UAP1: variants seen among roughly 807,000 people sequenced by gnomAD.
UAP1 encodes UDP-N-acetylhexosamine pyrophosphorylase.
Under a neutral mutation model 58.5 loss-of-function variants are expected in UAP1, and 25 were observed. The ratio of observed to expected loss-of-function variants is 0.43; its 90% confidence interval spans 0.31 to 0.60. The LOEUF is 0.60. Among genes scored for constraint, UAP1 ranks in the 20% least tolerant of loss-of-function variants. UAP1 has a pLI of 0.11. For missense variants in UAP1, 575 were observed against 630.0 expected (o/e 0.91, Z 0.93); for synonymous variants, 208 against 213.0 (o/e 0.98, Z 0.21).
At chr1:162,588,758 G>T (rs745329572) in exon 7 of UAP1, 1 of 1,612,534 alleles carries the variant, frequency 6.2e-7, no homozygotes, top group Admixed American at 1.7e-5. Flanking sequence ...GATACCCAAG[G>T]ACAGTTAATT....
intron 2 of UAP1, among the ~76,000 whole-genome samples, chr1:162,566,996 G>A (rs1306314863): frequency 6.6e-6 from 1 of 152,086 alleles, no homozygotes; most frequent in Non-Finnish European, 1.5e-5. Flanking sequence ...CATTTTAGCT[G>A]AACCAAATAA....
At chr1:162,577,114 A>G (rs936242653) in intron 3 of UAP1, 133 bp downstream of exon 3, 2 of 891,778 alleles carry the variant, frequency 2.2e-6, no homozygotes, top group South Asian at 1.8e-5. Context: ...ATAATTTACT[A>G]TATATGTTAA....
chr1:162,586,519 G>T (rs1654912754), intron 5 of UAP1, among the ~76,000 whole-genome samples: 1 of 152,012 alleles, frequency 6.6e-6, no homozygotes, highest in Admixed American at 6.6e-5. Context: ...TAGAAGCCAG[G>T]GTTTCACCTT....
chr1:162,598,239 T>TTTTTAAAAAGTTTTATTCTAC (rs376276062), intron 10 of UAP1, among the ~76,000 whole-genome samples: 5,787 of 152,108 alleles, frequency 0.038, 153 homozygotes, highest in East Asian at 0.11. Flanking sequence ...AAATAAAACT[T>TTTTTAAAAAGTTTTATTCTAC]TTTTAAAAAG....
chr1:162,600,943 C>G (rs549709707), downstream of UAP1, among the ~76,000 whole-genome samples: 7 of 152,124 alleles, frequency 4.6e-5, no homozygotes, highest in Admixed American at 2.0e-4. Flanking sequence ...TTGCTATTTC[C>G]TCTGCTATTT....
intron 3 of UAP1, among the ~76,000 whole-genome samples, chr1:162,578,659 C>T (rs1345858174): frequency 2.0e-5 from 3 of 152,194 alleles, no homozygotes; most frequent in Non-Finnish European, 4.4e-5. Flanking sequence ...CTTCTGTCAT[C>T]TTCTAAATAT....
chr1:162,571,155 G>A (rs1283591183), intron 2 of UAP1, among the ~76,000 whole-genome samples: 1 of 149,320 alleles, frequency 6.7e-6, no homozygotes, highest in Non-Finnish European at 1.5e-5. Context: ...TTGAGGCGGA[G>A]TCTCACTCCG....
At chr1:162,589,222 T>TAA (rs1557977711) in intron 7 of UAP1, among the ~76,000 whole-genome samples, 57 of 96,200 alleles carry the variant, frequency 5.9e-4, no homozygotes, top group South Asian at 3.2e-3. Flanking sequence ...TATATAATAT[T>TAA]TATATATTAT....
At chr1:162,590,031 G>GTTTT (rs34447708) in intron 7 of UAP1, among the ~76,000 whole-genome samples, 2 of 144,852 alleles carry the variant, frequency 1.4e-5, no homozygotes, top group Non-Finnish European at 3.0e-5. Flanking sequence ...TTTTTTGCCT[G>GTTTT]TTTTTTTTTT....
chr1:162,597,574 T>G, intron 9 of UAP1: 1 of 508,952 alleles, frequency 2.0e-6, no homozygotes, highest in East Asian at 3.2e-5. Context: ...TACCAGTAAT[T>G]ATTGGCACTT....
intron 2 of UAP1, among the ~76,000 whole-genome samples, chr1:162,569,620 T>G (rs1653728249): frequency 6.6e-6 from 1 of 152,220 alleles, no homozygotes; most frequent in Admixed American, 6.5e-5. Flanking sequence ...TTAAAACAAA[T>G]GCATGCTTAT....
At chr1:162,597,884 ATTC>A (rs776481514) in intron 10 of UAP1, 26 bp downstream of exon 10, 3 of 1,578,044 alleles carry the variant, frequency 1.9e-6, no homozygotes, top group South Asian at 2.3e-5. Flanking sequence ...TTTTTCCTCT[ATTC>A]TTTTACAAAG....
At chr1:162,585,878 G>A (rs891684334) in intron 5 of UAP1, among the ~76,000 whole-genome samples, 4 of 152,062 alleles carry the variant, frequency 2.6e-5, no homozygotes, top group African/African-American at 9.7e-5. Flanking sequence ...AGTAAGAGAT[G>A]GTGATGGGTT....
chr1:162,589,184 AAT>A (rs1491285261), intron 7 of UAP1, among the ~76,000 whole-genome samples: 945 of 88,854 alleles, frequency 0.011, 10 homozygotes, highest in African/African-American at 0.038. Flanking sequence ...TATTATATAT[AAT>A]ATATATTATA....
chr1:162,575,807 TCTC>T (rs1285211531), intron 2 of UAP1, among the ~76,000 whole-genome samples: 2 of 151,680 alleles, frequency 1.3e-5, no homozygotes, highest in Admixed American at 1.3e-4. Context: ...TTCAAGCAAT[TCTC>T]CTGTTTCAGC....
chr1:162,586,910 A>T (rs141207023), intron 5 of UAP1, among the ~76,000 whole-genome samples: 1 of 152,298 alleles, frequency 6.6e-6, no homozygotes, highest in East Asian at 1.9e-4. Flanking sequence ...TTAAAGTTGG[A>T]GTGGGAGGCT....
chr1:162,564,153 A>G (rs1396624142), intron 1 of UAP1, among the ~76,000 whole-genome samples: 1 of 152,186 alleles, frequency 6.6e-6, no homozygotes, highest in Non-Finnish European at 1.5e-5. Context: ...ACCTATATAA[A>G]TCAATAGGAA....
intron 7 of UAP1, 143 bp from the exon 8 acceptor site, chr1:162,590,180 C>A: frequency 1.6e-6 from 1 of 623,350 alleles, no homozygotes; most frequent in Non-Finnish European, 2.6e-6. Context: ...TTTCTTTAGT[C>A]CAAGGGTGAG....
At chr1:162,579,600 C>T in exon 4 of UAP1, 1 of 1,574,570 alleles carries the variant, frequency 6.4e-7, no homozygotes. Context: ...TTCTATGGCT[C>T]CAGGTTTGTA....
Sources: allele counts gnomAD v4.1 joint callset (sites outside exome capture counted in the v4.1 genomes callset), GRCh38; gene constraint gnomAD v4.1.1; transcripts MANE v1.5; gene names NCBI Gene and HGNC (gene_info 2026-07-23, HGNC 2026-07-21).